The following MAN1A1 variants were observed in gnomAD, a reference collection of about 807,000 sequenced individuals.
The protein encoded by MAN1A1 is mannosyl-oligosaccharide 1,2-alpha-mannosidase IA.
A neutral mutation model predicts 70.8 loss-of-function variants in MAN1A1; 29 were observed. The observed-to-expected ratio is 0.41, with a 90% CI of 0.31 to 0.56. MAN1A1 has a LOEUF of 0.56. MAN1A1 is among the 20% of genes least tolerant of loss of function. The pLI, the probability that MAN1A1 is intolerant of heterozygous loss-of-function variation, is 0.29. For missense variants in MAN1A1, 747 were observed against 841.3 expected (o/e 0.89, Z 1.39); for synonymous variants, 349 against 330.1 (o/e 1.06, Z -0.62).
At chr6:119,201,901 T>G (rs893079102) in intron 7 of MAN1A1, among the ~76,000 whole-genome samples, 1 of 152,152 alleles carries the variant, frequency 6.6e-6, no homozygotes, top group Non-Finnish European at 1.5e-5. Context: ...TACAGGGCAC[T>G]TTGTATAGGG....
chr6:119,326,660 A>G (rs1343517538), intron 2 of MAN1A1, among the ~76,000 whole-genome samples: 1 of 152,210 alleles, frequency 6.6e-6, no homozygotes, highest in Non-Finnish European at 1.5e-5. Flanking sequence ...CAGGAAACTT[A>G]CAATCATGGT....
chr6:119,348,888 A>C lies in MAN1A1; in HGVS notation c.178T>G (p.Phe60Val). 6.5e-7 allele frequency: 1 copy of C among 1,535,934 alleles called. No homozygotes were observed. ...AGCTTGGAGGAGTCTGGCAGGAAGA[A>C]GATCGCCCCGAAGCAGAGCGTGATG... ...AFITLCFGAI[F>V]FLPDSSKLLS... is the part of the protein sequence containing the mutation. Residue 60 changes from phenylalanine to valine, a missense_variant, in exon 2 of 13, where the codon TTC becomes GTC. Phe to Val is a conservative substitution (Grantham distance 50). Coordinates refer to ENST00000368468, the MANE Select transcript of MAN1A1 (RefSeq NM_005907.4).
At chr6:119,216,223 G>A (rs1262106704) in intron 6 of MAN1A1, among the ~76,000 whole-genome samples, 3 of 152,180 alleles carry the variant, frequency 2.0e-5, no homozygotes, top group Non-Finnish European at 4.4e-5. Context: ...GATAAAGTCT[G>A]ATTCACATTT....
chr6:119,212,488 G>A (rs1774082968), intron 6 of MAN1A1, among the ~76,000 whole-genome samples: 1 of 152,076 alleles, frequency 6.6e-6, no homozygotes, highest in Non-Finnish European at 1.5e-5. Context: ...ATAATTTACT[G>A]AGTGCTTACT....
intron 6 of MAN1A1, among the ~76,000 whole-genome samples, chr6:119,221,192 T>C (rs1347238301): frequency 1.3e-5 from 2 of 152,130 alleles, no homozygotes; most frequent in African/African-American, 2.4e-5. Flanking sequence ...ATTCTCTCTT[T>C]CAATATGTAA....
intron 5 of MAN1A1, among the ~76,000 whole-genome samples, chr6:119,287,897 CCTAT>C (rs1198140503): frequency 2.6e-5 from 4 of 152,060 alleles, no homozygotes; most frequent in East Asian, 1.9e-4. Flanking sequence ...TTATCCCCAT[CCTAT>C]CTGTTTGTAA....
intron 2 of MAN1A1, among the ~76,000 whole-genome samples, chr6:119,315,243 T>A (rs772338816): frequency 1.3e-5 from 2 of 152,240 alleles, no homozygotes; most frequent in East Asian, 3.8e-4. Flanking sequence ...GCAGGAGATA[T>A]ATAAAGAAAC....
chr6:119,280,235 A>C (rs1776194576), intron 5 of MAN1A1, among the ~76,000 whole-genome samples: 1 of 152,164 alleles, frequency 6.6e-6, no homozygotes, highest in Non-Finnish European at 1.5e-5. Context: ...TCTGTGCTTG[A>C]GATCTCTAAT....
intron 2 of MAN1A1, among the ~76,000 whole-genome samples, chr6:119,341,544 G>A (rs1238862531): frequency 6.6e-6 from 1 of 152,154 alleles, no homozygotes; most frequent in African/African-American, 2.4e-5. Context: ...TGTGTAAAAT[G>A]AGTAGTGGGT....
chr6:119,300,489 C>T (rs556782149), intron 4 of MAN1A1, among the ~76,000 whole-genome samples: 2 of 152,130 alleles, frequency 1.3e-5, no homozygotes, highest in East Asian at 1.9e-4. Context: ...CTCCTGACAT[C>T]GTGATCCAAC....
intron 5 of MAN1A1, among the ~76,000 whole-genome samples, chr6:119,283,964 C>T (rs935450292): frequency 5.3e-5 from 8 of 152,152 alleles, no homozygotes; most frequent in Admixed American, 3.3e-4. Context: ...ATGAACATTA[C>T]TGTCGGTTTT....
At chr6:119,321,565 C>T (rs1252056977) in intron 2 of MAN1A1, among the ~76,000 whole-genome samples, 1 of 151,894 alleles carries the variant, frequency 6.6e-6, no homozygotes, top group Non-Finnish European at 1.5e-5. Context: ...TTGAATTTTA[C>T]TGACAAAGAA....
chr6:119,284,628 T>G (rs1452078229), intron 5 of MAN1A1, among the ~76,000 whole-genome samples: 1 of 152,174 alleles, frequency 6.6e-6, no homozygotes, highest in East Asian at 1.9e-4. Flanking sequence ...ATGCAGACCT[T>G]TGGAATTATG....
At chr6:119,197,553 T>G (rs181676336) in intron 8 of MAN1A1, among the ~76,000 whole-genome samples, 1 of 152,046 alleles carries the variant, frequency 6.6e-6, no homozygotes, top group Admixed American at 6.6e-5. Context: ...AGGGAAAGAA[T>G]AGAGGAAAAG....
At chr6:119,218,187 A>G (rs2114964995) in intron 6 of MAN1A1, among the ~76,000 whole-genome samples, 1 of 151,874 alleles carries the variant, frequency 6.6e-6, no homozygotes, top group South Asian at 2.1e-4. Flanking sequence ...TTGTCTTTTG[A>G]TTTTAGTCAT....
In MAN1A1 at chr6:119,193,882, T is replaced by G; in HGVS notation, c.1221A>C (p.Ser407=). 1 of 1,600,796 alleles carries G rather than the reference T, an allele frequency of 6.2e-7. No individual in the cohort carries two copies. Among genetic ancestry groups the G allele is most frequent in the Non-Finnish European group, 8.6e-7 (1 of 1,168,624 alleles). ...AGAAGCTGTCTCCAAGTCCTCCAACTGATACATGATCTGGAAAGAGAGGGA... is the reference window on the plus strand; with the variant it reads ...AGAAGCTGTCTCCAAGTCCTCCAACGGATACATGATCTGGAAAGAGAGGGA... ...SSGQWGQHHV[S]VGGLGDSFYE... Residue 407 remains serine, a synonymous_variant, in exon 9 of 13, where the codon TCA becomes TCC. Transcript: ENST00000368468.
intron 2 of MAN1A1, among the ~76,000 whole-genome samples, chr6:119,311,431 T>G (rs1471653117): frequency 6.6e-6 from 1 of 152,200 alleles, no homozygotes; most frequent in Non-Finnish European, 1.5e-5. Context: ...AAAGGTCCTC[T>G]CCAGGTGTAA....
In MAN1A1 at chr6:119,348,545, A is replaced by C; in HGVS notation, c.521T>G (p.Val174Gly). ...CACCCCGATTGGGGGCACGAAGTCC[A>C]CCGGGGGCAGGCCTCTGAACGGCGC... The part of the protein sequence containing the change: ...DKAPFRGLPP[V>G]DFVPPIGVES... Residue 174 changes from valine (V) to glycine (G), a missense_variant, in exon 2 of 13, where the codon GTG becomes GGG. By Grantham distance (109) the Val-to-Gly change is moderately radical (BLOSUM62 -3). Coordinates refer to ENST00000368468, the MANE Select transcript of MAN1A1 (RefSeq NM_005907.4). 6.2e-7 allele frequency: 1 copy of C among 1,613,184 alleles called. No homozygotes were observed.
chr6:119,261,220 C>T (rs866889140), intron 5 of MAN1A1, among the ~76,000 whole-genome samples: 32 of 152,128 alleles, frequency 2.1e-4, no homozygotes, highest in Middle Eastern at 6.8e-3. Context: ...ACCTCGTGAT[C>T]CACCCGCCTC....
Sources: gnomAD v4.1 joint callset for allele counts (sites outside exome capture counted in the v4.1 genomes callset) on GRCh38, gnomAD v4.1.1 for gene constraint, MANE v1.5 for transcripts, NCBI Gene and HGNC (gene_info 2026-07-23, HGNC 2026-07-21) for gene names.